LUZP2: variants seen among roughly 807,000 people sequenced by gnomAD.
LUZP2 encodes the protein leucine zipper protein 2.
A neutral mutation model predicts 51.6 loss-of-function variants in LUZP2; 52 were observed. That is an observed-to-expected ratio of 1.01 (90% confidence interval 0.81 to 1.27). The LOEUF is 1.27. LUZP2 is among the 50% of genes most tolerant of loss of function. The probability of loss-of-function intolerance (pLI) is 0.00; values close to 1 mark genes in which losing one functional copy is unlikely to be tolerated. For missense variants in LUZP2, 436 were observed against 395.4 expected (o/e 1.10, Z -0.87); for synonymous variants, 154 against 137.3 (o/e 1.12, Z -0.85).
chr11:24,919,904 A>G (rs1300356434), intron 7 of LUZP2, among the ~76,000 whole-genome samples: 2 of 151,666 alleles, frequency 1.3e-5, no homozygotes. Context: ...TTTATACTGG[A>G]TGTTTTATTA....
Position 25,044,235 on chromosome 11 carries a change from ATGTGTG to A in LUZP2, c.766-5785_766-5780del, listed in dbSNP as rs368613234. Among the ~76,000 whole-genome samples, 182 of 107,026 alleles carry A rather than the reference ATGTGTG, an allele frequency of 1.7e-3. 1 individual carries two copies. Among genetic ancestry groups the A allele is most frequent in the African/African-American group, 4.8e-3 (148 of 30,990 alleles). 70.2% of individuals were successfully genotyped at this position (107,026 alleles called of 152,430 possible). On this transcript the variant is annotated intron_variant, in intron 9 of 11. Transcript: ENST00000336930. ...TATATATATATGTGTGTGTATGTGTATGTGTGTGTGTGTGTGTGTGTGTATATATAT... is the reference window on the plus strand; with the variant it reads ...TATATATATATGTGTGTGTATGTGTATGTGTGTGTGTGTGTGTATATATAT...
chr11:24,517,487 A>AAAAC (rs1850508326), intron 1 of LUZP2, among the ~76,000 whole-genome samples: 28 of 117,612 alleles, frequency 2.4e-4, no homozygotes. Context: ...CGCCGTCAAA[A>AAAAC]AAAAAAAAAA....
At chr11:24,558,535 G>A (rs1509613) in intron 1 of LUZP2, among the ~76,000 whole-genome samples, 63,449 of 151,786 alleles carry the variant, frequency 0.42, 13,771 homozygotes, top group African/African-American at 0.51. Context: ...ATCCTGAAAC[G>A]CAGGCAAAAA....
chr11:24,797,353 G>A (rs1849575678), intron 5 of LUZP2, among the ~76,000 whole-genome samples: 1 of 152,174 alleles, frequency 6.6e-6, no homozygotes, highest in African/African-American at 2.4e-5. Flanking sequence ...CCAGGAAGAT[G>A]ATGAAGGCAA....
chr11:24,949,813 A>ACCT (rs1295118085), intron 7 of LUZP2, among the ~76,000 whole-genome samples: 2 of 151,604 alleles, frequency 1.3e-5, no homozygotes, highest in African/African-American at 4.8e-5. Context: ...TAGAACACGC[A>ACCT]GGTGATCAGA....
At chr11:24,558,525 A>G (rs985095631) in intron 1 of LUZP2, among the ~76,000 whole-genome samples, 1 of 152,168 alleles carries the variant, frequency 6.6e-6, no homozygotes, top group Non-Finnish European at 1.5e-5. Context: ...GCTTATTGAT[A>G]TCCTGAAACG....
chr11:25,072,574 T>A (rs1257093509), intron 10 of LUZP2, among the ~76,000 whole-genome samples: 2 of 152,122 alleles, frequency 1.3e-5, no homozygotes, highest in African/African-American at 4.8e-5. Context: ...TCGATAAAAT[T>A]ATATTTACTC....
chr11:24,618,976 A>AT lies in LUZP2; in HGVS notation c.63-110190dup, dbSNP rs570193215. ...CTATATTACTGAAAAATTCTTATGT[A>AT]TTTATTTTTGTAATTCTAACCACTT... On this transcript the variant is annotated intron_variant, in intron 1 of 11. Coordinates refer to ENST00000336930, the MANE Select transcript of LUZP2 (RefSeq NM_001009909.4). 1.3e-4 allele frequency among the ~76,000 whole-genome samples: 20 copies of AT among 151,878 alleles called. 1 individual carries two copies. In the South Asian group the frequency reaches 4.0e-3, roughly 30 times the overall value.
chr11:24,810,251 T>C (rs557058130), intron 5 of LUZP2, among the ~76,000 whole-genome samples: 1 of 152,286 alleles, frequency 6.6e-6, no homozygotes, highest in East Asian at 1.9e-4. Context: ...GTAAATTTTA[T>C]ACATATATTT....
chr11:24,932,523 T>C (rs1315603991), intron 7 of LUZP2, among the ~76,000 whole-genome samples: 2 of 152,152 alleles, frequency 1.3e-5, no homozygotes, highest in African/African-American at 4.8e-5. Flanking sequence ...AATTGAATTA[T>C]GTTCCCAGAA....
intron 1 of LUZP2, among the ~76,000 whole-genome samples, chr11:24,614,769 T>G (rs912710090): frequency 2.6e-5 from 4 of 152,070 alleles, no homozygotes; most frequent in African/African-American, 2.4e-5. Context: ...ATCTTCCTGT[T>G]CCTGTCCATT....
At chr11:24,692,977 G>A (rs1051181032) in intron 1 of LUZP2, among the ~76,000 whole-genome samples, 1 of 150,120 alleles carries the variant, frequency 6.7e-6, no homozygotes, top group African/African-American at 2.4e-5. Context: ...TTTTTTTTAT[G>A]TTTCTCCCTA....
At chr11:24,989,433 G>T (rs720951) in intron 9 of LUZP2, among the ~76,000 whole-genome samples, 59,098 of 151,824 alleles carry the variant, frequency 0.39, 13,766 homozygotes, top group East Asian at 0.68. Flanking sequence ...TAAAATTTAG[G>T]ATATCTTCAT....
At chr11:24,619,131 C>T (rs1590250779) in intron 1 of LUZP2, among the ~76,000 whole-genome samples, 1 of 152,166 alleles carries the variant, frequency 6.6e-6, no homozygotes, top group East Asian at 1.9e-4. Context: ...TGGGCTCAGG[C>T]TATCCCCCTG....
At chr11:24,569,610 A>G (rs1039283647) in intron 1 of LUZP2, among the ~76,000 whole-genome samples, 2 of 152,084 alleles carry the variant, frequency 1.3e-5, no homozygotes, top group African/African-American at 4.8e-5. Flanking sequence ...CATATTATAT[A>G]AAATGTAGCA....
At chr11:25,073,715 A>AT (rs1215361682) in intron 10 of LUZP2, among the ~76,000 whole-genome samples, 1 of 151,452 alleles carries the variant, frequency 6.6e-6, no homozygotes, top group African/African-American at 2.4e-5. Flanking sequence ...CTTTCCTCTT[A>AT]TTTTTCTATG....
chr11:25,032,401 T>C (rs914627098), intron 9 of LUZP2, among the ~76,000 whole-genome samples: 3 of 151,986 alleles, frequency 2.0e-5, no homozygotes, highest in African/African-American at 7.2e-5. Flanking sequence ...TGAGTTTCAA[T>C]TTTTTTTCCT....
At chr11:24,874,511 A>G (rs1445577122) in intron 5 of LUZP2, among the ~76,000 whole-genome samples, 2 of 152,134 alleles carry the variant, frequency 1.3e-5, no homozygotes, top group South Asian at 2.1e-4. Context: ...CCTGCACTCC[A>G]ATCCCACTGT....
intron 1 of LUZP2, among the ~76,000 whole-genome samples, chr11:24,567,595 A>T (rs1021950886): frequency 6.6e-6 from 1 of 152,130 alleles, no homozygotes; most frequent in African/African-American, 2.4e-5. Flanking sequence ...ATGACTCATC[A>T]TGTATAAGGT....
Sources: allele counts gnomAD v4.1 joint callset (sites outside exome capture counted in the v4.1 genomes callset), GRCh38; gene constraint gnomAD v4.1.1; transcripts MANE v1.5; gene names NCBI Gene and HGNC (gene_info 2026-07-23, HGNC 2026-07-21).